The following SEMA6B variants were observed in gnomAD, a reference collection of about 807,000 sequenced individuals.
SEMA6B encodes the protein semaphorin-6B.
Under a neutral mutation model 78.6 loss-of-function variants are expected in SEMA6B, and 47 were observed. The observed-to-expected ratio is 0.60, with a 90% CI of 0.47 to 0.76. The LOEUF is 0.76. Among genes scored for constraint, SEMA6B ranks in the 30% least tolerant of loss-of-function variants. The pLI is 0.00. For synonymous variants in SEMA6B, 632 were observed against 592.2 expected, an observed-to-expected ratio of 1.07 and a Z score of -0.98; for missense variants, 1,213 against 1,269.9, an observed-to-expected ratio of 0.96 and a Z score of 0.68.
chr19:4,553,318 G>GTGGA lies in SEMA6B; in HGVS notation c.772-683_772-680dup, dbSNP rs139153802. On this transcript the variant is annotated intron_variant, in intron 9 of 16. Coordinates refer to ENST00000586582, the MANE Select transcript of SEMA6B (RefSeq NM_032108.4). ...GATGAATGAATGGATGGATAAGTGG[G>GTGGA]TGGATGGATGGATGGATGGATGGAT... Among the ~76,000 whole-genome samples the GTGGA allele has an allele frequency of 6.2e-3, 926 of 150,488 alleles. 10 individuals carry two copies. The highest frequency in any genetic ancestry group is 0.014 in the Middle Eastern group (4 of 292).
chr19:4,543,327 C>A lies in SEMA6B; in HGVS notation c.*274G>T, dbSNP rs551762691. ...AAAGAAACCAAAACTGCAAAAAAAA[C>A]CAAAACCTACGCGCATAAGGTCAAC... On this transcript the variant is annotated 3_prime_UTR_variant, in exon 17 of 17. Coordinates refer to ENST00000586582, the MANE Select transcript of SEMA6B (RefSeq NM_032108.4). 1,093 of 459,198 alleles carry A rather than the reference C, an allele frequency of 2.4e-3. 4 individuals carry two copies. Among genetic ancestry groups the A allele is most frequent in the Admixed American group, 3.6e-3 (93 of 25,944 alleles). 28.4% of individuals were successfully genotyped at this position (459,198 alleles called of 1,614,324 possible).
chr19:4,545,197 C>T (rs116714358), intron 16 of SEMA6B, among the ~76,000 whole-genome samples: 2,635 of 151,698 alleles, frequency 0.017, 82 homozygotes, highest in African/African-American at 0.061. Flanking sequence ...AAATTTTAGC[C>T]GGACATGGTG....
intron 14 of SEMA6B, 122 bp downstream of exon 14, chr19:4,547,905 A>G (rs4807601): frequency 0.54 from 691,357 of 1,287,214 alleles, 190,801 homozygotes; most frequent in East Asian, 0.85. Flanking sequence ...TGCACGGGCC[A>G]TGCCCTCTGC....
chr19:4,555,209 T>G lies in SEMA6B; in HGVS notation c.563-114A>C, dbSNP rs867017079. On this transcript the variant is annotated intron_variant, in intron 7 of 16. Transcript: ENST00000586582. The surrounding 1 kb of genome is among the most constrained non-coding windows in gnomAD (Gnocchi z 6.1). The stretch of plus-strand genomic sequence containing the variant: ...AGTCCTGAGCCTAGGGGAGCCCCTG[T>G]CTCCAGGCTGAGCCCTGATCCCATC... 8.5e-7 allele frequency: 1 copy of G among 1,175,948 alleles called. No homozygotes were observed. Among genetic ancestry groups the G allele is most frequent in the East Asian group, 2.5e-5 (1 of 40,728 alleles). The allele number at this position is 1,175,948 out of a possible 1,614,324, so 72.8% of individuals were successfully genotyped here. A position where few individuals can be genotyped will look rare whatever the true frequency, so the allele number is the denominator to read the frequency against.
intron 14 of SEMA6B, among the ~76,000 whole-genome samples, chr19:4,547,417 G>A (rs903978861): frequency 1.3e-5 from 2 of 152,222 alleles, no homozygotes; most frequent in African/African-American, 4.8e-5. Flanking sequence ...CCCAGGCATC[G>A]TGCCAGAGGC....
In SEMA6B at chr19:4,548,336, G is replaced by T. The variant is rs1977226753; in HGVS notation, c.1381C>A (p.Pro461Thr). 6.2e-7 allele frequency: 1 copy of T among 1,613,792 alleles called. No individual in the cohort carries two copies. Among genetic ancestry groups the T allele is most frequent in the African/African-American group, 1.3e-5 (1 of 74,922 alleles). Residue 461 changes from proline to threonine, a missense_variant, in exon 13 of 17, where the codon CCC becomes ACC. Coordinates refer to ENST00000586582, the MANE Select transcript of SEMA6B (RefSeq NM_032108.4). Reference sequence around the variant, plus strand: ...GACGTCCCTGAGGTGCTGGCATTGGGCCGGACGAGGAACTTGAGGACCGTC... The same window carrying T: ...GACGTCCCTGAGGTGCTGGCATTGGTCCGGACGAGGAACTTGAGGACCGTC... The part of the protein sequence containing the change: ...AGTVLKFLVR[P>T]NASTSGTSGL...
intron 3 of SEMA6B, 145 bp from the exon 4 acceptor site, chr19:4,557,368 AC>A (rs900428000): frequency 1.8e-5 from 11 of 609,686 alleles, no homozygotes; most frequent in African/African-American, 3.8e-5. Context: ...CGCCGACCAC[AC>A]CCCCCCAAGG....
chr19:4,550,065 A>G lies in SEMA6B; in HGVS notation c.1271+58T>C. 6.4e-7 allele frequency: 1 copy of G among 1,567,630 alleles called. No homozygotes were observed. The highest frequency in any genetic ancestry group is 8.7e-7 in the Non-Finnish European group (1 of 1,145,696). On this transcript the variant is annotated intron_variant, in intron 12 of 16. Coordinates refer to ENST00000586582, the MANE Select transcript of SEMA6B (RefSeq NM_032108.4). This position sits in a 1 kb window ranked among gnomAD's most constrained non-coding sequence, Gnocchi z 6.6. The stretch of plus-strand genomic sequence containing the variant: ...CTGTGTTGAGCATCTGGATCCTCTC[A>G]CCCTCCATCTACCCCATCCTGTCTC...
chr19:4,546,719 G>A (rs2145346188), intron 14 of SEMA6B, among the ~76,000 whole-genome samples: 1 of 152,080 alleles, frequency 6.6e-6, no homozygotes, highest in South Asian at 2.1e-4. Context: ...CCGCCTCCCG[G>A]GTTCAAGCGA....
At chr19:4,547,219 C>T (rs1977193431) in intron 14 of SEMA6B, among the ~76,000 whole-genome samples, 1 of 152,152 alleles carries the variant, frequency 6.6e-6, no homozygotes, top group Non-Finnish European at 1.5e-5. Context: ...AGTCCTCCTG[C>T]CTTGGCCTCC....
chr19:4,543,130 ACACG>A lies in SEMA6B; in HGVS notation c.*467_*470del. 1 of 617,456 alleles carries A rather than the reference ACACG, an allele frequency of 1.6e-6. No individual in the cohort carries two copies. The highest frequency in any genetic ancestry group is 1.8e-5 in the South Asian group (1 of 54,784). 38.2% of individuals were successfully genotyped at this position (617,456 alleles called of 1,614,324 possible). ...CCCCTTGCACACGAACACGGCACGC[ACACG>A]CACGCACACCCACACACGCCAGGGG... On this transcript the variant is annotated 3_prime_UTR_variant, in exon 17 of 17. Coordinates refer to ENST00000586582, the MANE Select transcript of SEMA6B (RefSeq NM_032108.4).
At position 4,555,654 on chromosome 19, in the gene SEMA6B, T is replaced by A. The variant is rs1264829919; in HGVS notation, c.472-90A>T. The A allele has an allele frequency of 9.7e-7, 1 of 1,029,702 alleles. No homozygotes were observed. Among genetic ancestry groups the A allele is most frequent in the South Asian group, 1.4e-5 (1 of 73,966 alleles). 63.8% of individuals were successfully genotyped at this position (1,029,702 alleles called of 1,614,324 possible). A position where few individuals can be genotyped will look rare whatever the true frequency, so the allele number is the denominator to read the frequency against. ...CAGCCCCCCACTCCAGGGGGAATCC[T>A]GATCCACCACGGATTACTGTGTGAC... On this transcript the variant is annotated intron_variant, in intron 6 of 16. Coordinates refer to ENST00000586582, the MANE Select transcript of SEMA6B (RefSeq NM_032108.4). The surrounding 1 kb of genome is among the most constrained non-coding windows in gnomAD (Gnocchi z 6.1).
chr19:4,555,422 A>C lies in SEMA6B; in HGVS notation c.562+52T>G. ...CCCAGACGCTGGAGTAGAAAATGCC[A>C]GGTCTTGCCTGTGGCTGGGGCTGAT... On this transcript the variant is annotated intron_variant, in intron 7 of 16. Coordinates refer to ENST00000586582, the MANE Select transcript of SEMA6B (RefSeq NM_032108.4). The surrounding 1 kb of genome is among the most constrained non-coding windows in gnomAD (Gnocchi z 6.1). 1 of 1,487,318 alleles carries C rather than the reference A, an allele frequency of 6.7e-7. No individual in the cohort carries two copies. Among genetic ancestry groups the C allele is most frequent in the South Asian group, 1.2e-5 (1 of 83,796 alleles). 92.1% of individuals were successfully genotyped at this position (1,487,318 alleles called of 1,614,324 possible).
At chr19:4,557,102 C>A in intron 4 of SEMA6B, 61 bp downstream of exon 4, 1 of 1,589,856 alleles carries the variant, frequency 6.3e-7, no homozygotes, top group Non-Finnish European at 8.6e-7. Context: ...CCCAGCTCCC[C>A]GGCGCAGTGC....
Position 4,548,157 on chromosome 19 carries a change from C to CT in SEMA6B, c.1470_1471insA (p.Gly491ArgfsTer74). 2 of 1,591,254 alleles carry CT rather than the reference C, an allele frequency of 1.3e-6. No individual in the cohort carries two copies. The highest frequency in any genetic ancestry group is 1.7e-6 in the Non-Finnish European group (2 of 1,167,552). ...AGCAGCCGCTGCCCTGTCTCGCCACCGCCGGGCCGTCCACACCTGGGGACA... is the reference window on the plus strand; with the variant it reads ...AGCAGCCGCTGCCCTGTCTCGCCACCTGCCGGGCCGTCCACACCTGGGGACA... On this transcript the variant is annotated frameshift_variant, in exon 14 of 17. Transcript: ENST00000586582. LOFTEE classifies it high-confidence loss of function.
rs2145342316 is a variant in SEMA6B at position 4,544,120 on chromosome 19, C to G, written c.2148G>C (p.Pro716=). ...GGTGCGGAGTGGGCAGGCGCTTCTG[C>G]GGCAGCGGCGTCTGCTCGGGCGTGG... The part of the protein sequence containing the change: ...LLPTPEQTPL[P]QKRLPTPHPH... Residue 716 remains proline (P), a synonymous_variant, in exon 17 of 17, where the codon CCG becomes CCC. Coordinates refer to ENST00000586582, the MANE Select transcript of SEMA6B (RefSeq NM_032108.4). The surrounding 1 kb of genome is among the most constrained non-coding windows in gnomAD (Gnocchi z 5.1). The G allele has an allele frequency of 7.9e-7, 1 of 1,273,052 alleles. No individual in the cohort carries two copies. Among genetic ancestry groups the G allele is most frequent in the East Asian group, 3.2e-5 (1 of 30,894 alleles). 78.9% of individuals were successfully genotyped at this position (1,273,052 alleles called of 1,614,324 possible).
rs748117914 is a variant in SEMA6B at position 4,558,082 on chromosome 19, G to A, written c.189C>T (p.Asp63=). ...PGRLTPAEGA[D]DLNIQRVLRV... is the part of the protein sequence containing the mutation. ...GCAGGACTCGCTGGATGTTGAGGTC[G>A]TCAGCACCTTCTGCGGGGGTCAGGC... The change falls in exon 3 of 17, where the codon GAC becomes GAT. Residue 63 remains aspartate (D), a synonymous_variant. Coordinates refer to ENST00000586582, the MANE Select transcript of SEMA6B (RefSeq NM_032108.4). The surrounding 1 kb of genome is among the most constrained non-coding windows in gnomAD (Gnocchi z 5.1). 6 of 1,527,220 alleles carry A rather than the reference G, an allele frequency of 3.9e-6. No individual in the cohort carries two copies. Among genetic ancestry groups the A allele is most frequent in the Non-Finnish European group, 5.3e-6 (6 of 1,129,042 alleles). 94.6% of individuals were successfully genotyped at this position (1,527,220 alleles called of 1,614,324 possible). A position where few individuals can be genotyped will look rare whatever the true frequency, so the allele number is the denominator to read the frequency against.
Position 4,546,489 on chromosome 19 carries a change from G to C in SEMA6B, c.1602-20C>G. The C allele has an allele frequency of 3.3e-6, 5 of 1,529,636 alleles. No individual in the cohort carries two copies. The highest frequency in any genetic ancestry group is 4.4e-6 in the Non-Finnish European group (5 of 1,132,436). The allele number at this position is 1,529,636 out of a possible 1,614,324, so 94.8% of individuals were successfully genotyped here. A position where few individuals can be genotyped will look rare whatever the true frequency, so the allele number is the denominator to read the frequency against. On this transcript the variant is annotated intron_variant, in intron 14 of 16. Transcript: ENST00000586582. ...CAGTTCCTAGAGCAGACCAGGGACC[G>C]AATGGGACAAGTGTCCAAGTCACTT...
chr19:4,550,521 G>T lies in SEMA6B; in HGVS notation c.1122-249C>A, dbSNP rs375943050. ...TGGGATTACAGGCACGTGCCATCAC[G>T]CCCGGCTAATTTTTGTATTTTTAGT... On this transcript the variant is annotated intron_variant, in intron 11 of 16. Transcript: ENST00000586582. The surrounding 1 kb of genome is among the most constrained non-coding windows in gnomAD (Gnocchi z 6.6). 1.3e-5 allele frequency among the ~76,000 whole-genome samples: 2 copies of T among 152,000 alleles called. No individual in the cohort carries two copies. Among genetic ancestry groups the T allele is most frequent in the African/African-American group, 4.8e-5 (2 of 41,348 alleles).
Sources: allele counts gnomAD v4.1 joint callset (sites outside exome capture counted in the v4.1 genomes callset), GRCh38; gene constraint gnomAD v4.1.1; non-coding constraint Gnocchi (gnomAD v3.1); transcripts MANE v1.5; gene names NCBI Gene and HGNC (gene_info 2026-07-23, HGNC 2026-07-21).